The following ANP32E variants were observed in gnomAD, a reference collection of about 807,000 sequenced individuals.
The protein encoded by ANP32E is acidic nuclear phosphoprotein 32 family member E, also known as acidic leucine-rich nuclear phosphoprotein 32 family member E.
ANP32E carries 14 observed loss-of-function variants against 35.3 expected under a neutral mutation model. The observed-to-expected ratio is 0.40, with a 90% confidence interval of 0.26 to 0.62. The LOEUF (loss-of-function observed/expected upper bound fraction) is 0.62. ANP32E is among the 20% of genes least tolerant of loss of function. The pLI is 0.45. For synonymous variants in ANP32E, 89 were observed against 110.4 expected, an observed-to-expected ratio of 0.81 and a Z score of 1.22; for missense variants, 198 against 304.4, an observed-to-expected ratio of 0.65 and a Z score of 2.60.
rs1206691290 is a variant in ANP32E, at chr1:150,219,379, T to C, written c.*1312A>G. Reference sequence around the variant, plus strand: ...CTTATCCCAAATATTTTTCTACTTTTAATGGACATCCACTTGAAAACAAAT... The same window carrying C: ...CTTATCCCAAATATTTTTCTACTTTCAATGGACATCCACTTGAAAACAAAT... On this transcript the variant is annotated 3_prime_UTR_variant, in exon 7 of 7. Coordinates refer to ENST00000583931, the MANE Select transcript of ANP32E (RefSeq NM_030920.5). 1 of 152,224 alleles carries C rather than the reference T, an allele frequency of 6.6e-6. No individual in the cohort carries two copies. The highest frequency in any genetic ancestry group is 1.5e-5 in the Non-Finnish European group (1 of 68,026). 9.4% of individuals were successfully genotyped at this position (152,224 alleles called of 1,614,324 possible). A position where few individuals can be genotyped will look rare whatever the true frequency, so the allele number is the denominator to read the frequency against.
chr1:150,222,788 A>T (rs1553838497), intron 6 of ANP32E, among the ~76,000 whole-genome samples: 1 of 151,408 alleles, frequency 6.6e-6, no homozygotes, highest in Non-Finnish European at 1.5e-5. Flanking sequence ...TATATATATA[A>T]ATTTTTAAAG....
Position 150,230,564 on chromosome 1 carries a change from C to CA in ANP32E, c.327+6dup. ...AGCAAGTCCAGAGACAAAACTGTTC[C>CA]ACTTACCAGAGCTTCTACTGTACTG... On this transcript the variant is annotated splice_region_variant and intron_variant, in intron 3 of 6. Transcript: ENST00000583931. The CA allele has an allele frequency of 5.0e-6, 8 of 1,590,702 alleles. No homozygotes were observed. The highest frequency in any genetic ancestry group is 6.8e-6 in the Non-Finnish European group (8 of 1,170,052).
chr1:150,232,343 C>T (rs1289786835), intron 1 of ANP32E, among the ~76,000 whole-genome samples: 4 of 7,258 alleles, frequency 5.5e-4, no homozygotes, highest in African/African-American at 1.1e-3. Context: ...GACTCCGTCT[C>T]AAAAAAAAAA....
At chr1:150,228,966 T>C (rs1340150381) in intron 4 of ANP32E, 106 bp downstream of exon 4, 5 of 950,808 alleles carry the variant, frequency 5.3e-6, no homozygotes, top group African/African-American at 5.1e-5. Context: ...TAATATCTTG[T>C]TGTGGATTTT....
rs1162491491 is a variant in ANP32E at position 150,218,620 on chromosome 1, T to C, written c.*2071A>G. On this transcript the variant is annotated 3_prime_UTR_variant, in exon 7 of 7. Coordinates refer to ENST00000583931, the MANE Select transcript of ANP32E (RefSeq NM_030920.5). ...ACAAAAGTATTAACTTCAAAGTTTT[T>C]AAGGAGATTCTTGAGGAACTTAACA... 1 of 152,634 alleles carries C rather than the reference T, an allele frequency of 6.6e-6. No individual in the cohort carries two copies. The highest frequency in any genetic ancestry group is 6.5e-5 in the Admixed American group (1 of 15,272). The allele number at this position is 152,634 out of a possible 1,614,324, so 9.5% of individuals were successfully genotyped here. A position where few individuals can be genotyped will look rare whatever the true frequency, so the allele number is the denominator to read the frequency against.
intron 1 of ANP32E, among the ~76,000 whole-genome samples, chr1:150,233,105 A>C (rs587763204): frequency 1.3e-5 from 2 of 151,964 alleles, no homozygotes; most frequent in Admixed American, 1.3e-4. Context: ...TCCCTACTAA[A>C]AATACAAAAA....
Position 150,219,639 on chromosome 1 carries a change from C to T in ANP32E, c.*1052G>A, listed in dbSNP as rs782472308. On this transcript the variant is annotated 3_prime_UTR_variant, in exon 7 of 7. Transcript: ENST00000583931. ...GGAACACTAACACTGCTTCCAAAAG[C>T]ACCCCTGCTTTTCTTTCTTCATCCC... 1.3e-5 allele frequency: 2 copies of T among 152,152 alleles called. No homozygotes were observed. Among genetic ancestry groups the T allele is most frequent in the African/African-American group, 2.4e-5 (1 of 41,440 alleles). The allele number at this position is 152,152 out of a possible 1,614,324, so 9.4% of individuals were successfully genotyped here. A position where few individuals can be genotyped will look rare whatever the true frequency, so the allele number is the denominator to read the frequency against.
chr1:150,223,693 A>AAAAC (rs1553838857), intron 5 of ANP32E, among the ~76,000 whole-genome samples: 1 of 146,024 alleles, frequency 6.8e-6, no homozygotes, highest in African/African-American at 2.5e-5. Flanking sequence ...AAAAAAAAAA[A>AAAAC]AAAAAAAACC....
Position 150,220,477 on chromosome 1 carries a change from T to C in ANP32E, c.*214A>G. 4.1e-6 allele frequency: 2 copies of C among 481,992 alleles called. No individual in the cohort carries two copies. Among genetic ancestry groups the C allele is most frequent in the Non-Finnish European group, 7.5e-6 (2 of 267,772 alleles). The allele number at this position is 481,992 out of a possible 1,614,324, so 29.9% of individuals were successfully genotyped here. On this transcript the variant is annotated 3_prime_UTR_variant, in exon 7 of 7. Coordinates refer to ENST00000583931, the MANE Select transcript of ANP32E (RefSeq NM_030920.5). ...AATAAATTGCTAGGGAATTCCACAA[T>C]GGGAGTCAATGAAAATTTTTCTCTA...
At chr1:150,229,774 G>A (rs782057828) in intron 3 of ANP32E, among the ~76,000 whole-genome samples, 13 of 152,094 alleles carry the variant, frequency 8.5e-5, no homozygotes, top group South Asian at 2.1e-4. Context: ...CACCGCGCCC[G>A]GCCTAATTTT....
Position 150,226,773 on chromosome 1 carries a change from CTCTTCA to C in ANP32E, c.510_515del (p.Asp170_Glu171del). On this transcript the variant is annotated inframe_deletion, in exon 5 of 7. Transcript: ENST00000583931. ...GTGGACCAGCTTCATTTTCCTCTTC[CTCTTCA>C]TCATCTTCATCGCCATCTTTAAAAA... The C allele has an allele frequency of 6.2e-7, 1 of 1,604,062 alleles. No individual in the cohort carries two copies. Among genetic ancestry groups the C allele is most frequent in the Non-Finnish European group, 8.5e-7 (1 of 1,174,690 alleles).
chr1:150,226,752 A>C lies in ANP32E; in HGVS notation c.537T>G (p.Gly179=), dbSNP rs1553840215. 6.3e-7 allele frequency: 1 copy of C among 1,594,958 alleles called. No homozygotes were observed. Among genetic ancestry groups the C allele is most frequent in the African/African-American group, 1.3e-5 (1 of 74,294 alleles). Residue 179 remains glycine, a synonymous_variant, in exon 5 of 7, where the codon GGT becomes GGG. Transcript: ENST00000583931. ...CCTCTTCCTCATATCCTTCCGGTGG[A>C]CCAGCTTCATTTTCCTCTTCCTCTT... The part of the protein sequence containing the change: ...DDEEEEENEA[G]PPEGYEEEEE...
At position 150,235,004 on chromosome 1, in the gene ANP32E, C is replaced by T. The variant is rs1649659570; in HGVS notation, c.54+729G>A. The stretch of plus-strand genomic sequence containing the variant: ...GGGATCAAATTCAGAGTTGCGGCCA[C>T]ACGACGTGCCACATATCGTTACACG... On this transcript the variant is annotated intron_variant, in intron 1 of 6. Transcript: ENST00000583931. This position sits in a 1 kb window ranked among gnomAD's most constrained non-coding sequence, Gnocchi z 4.2. Among the ~76,000 whole-genome samples the T allele has an allele frequency of 6.6e-6, 1 of 152,266 alleles. No individual in the cohort carries two copies. Among genetic ancestry groups the T allele is most frequent in the Non-Finnish European group, 1.5e-5 (1 of 68,050 alleles).
At position 150,229,251 on chromosome 1, in the gene ANP32E, G is replaced by A. The variant is rs782022399; in HGVS notation, c.328-14C>T. 7.1e-6 allele frequency: 8 copies of A among 1,132,702 alleles called. No homozygotes were observed. The allele number at this position is 1,132,702 out of a possible 1,614,324, so 70.2% of individuals were successfully genotyped here. A position where few individuals can be genotyped will look rare whatever the true frequency, so the allele number is the denominator to read the frequency against. On this transcript the variant is annotated splice_polypyrimidine_tract_variant and intron_variant, in intron 3 of 6. Coordinates refer to ENST00000583931, the MANE Select transcript of ANP32E (RefSeq NM_030920.5). ...TTTAAGATTTTGCTGGAAAAGTAAA[G>A]TTAAAACTTACATTCAAGATTTAAA... is the stretch of plus-strand genomic sequence containing the variant.
intron 1 of ANP32E, chr1:150,234,719 C>T: frequency 2.1e-6 from 2 of 973,882 alleles, no homozygotes; most frequent in South Asian, 9.5e-5. Flanking sequence ...AAGGAAAAAA[C>T]GGGTCGCCTC....
intron 3 of ANP32E, 34 bp downstream of exon 3, chr1:150,230,537 A>G: frequency 6.5e-7 from 1 of 1,527,068 alleles, no homozygotes; most frequent in Non-Finnish European, 8.8e-7. Context: ...TTAACCAAAA[A>G]AAGCAAGTCC....
At chr1:150,226,545 A>AT in intron 5 of ANP32E, 63 bp downstream of exon 5, 2 of 1,582,956 alleles carry the variant, frequency 1.3e-6, no homozygotes, top group Non-Finnish European at 1.7e-6. Context: ...AACACACTTT[A>AT]TATAGTACTT....
At chr1:150,233,897 C>T (rs2101797950) in intron 1 of ANP32E, among the ~76,000 whole-genome samples, 1 of 152,136 alleles carries the variant, frequency 6.6e-6, no homozygotes, top group South Asian at 2.1e-4. Flanking sequence ...TCAGACTCCC[C>T]GTTTAGCTGA....
intron 4 of ANP32E, 132 bp from the exon 5 acceptor site, chr1:150,226,927 T>A: frequency 2.2e-6 from 1 of 449,034 alleles, no homozygotes; most frequent in Non-Finnish European, 3.2e-6. Context: ...ACAGCGATAC[T>A]TTTTTTTTTT....
Sources: gnomAD v4.1 joint callset for allele counts (sites outside exome capture counted in the v4.1 genomes callset) on GRCh38, gnomAD v4.1.1 for gene constraint, Gnocchi (gnomAD v3.1) non-coding constraint, MANE v1.5 for transcripts, NCBI Gene and HGNC (gene_info 2026-07-23, HGNC 2026-07-21) for gene names.